The following KCNC2 variants were observed in gnomAD, a reference collection of about 807,000 sequenced individuals.
KCNC2 encodes potassium voltage-gated channel subfamily C member 2, also known as voltage-gated potassium channel KCNC2.
A neutral mutation model predicts 44.5 loss-of-function variants in KCNC2; 21 were observed. The observed-to-expected ratio is 0.47, with a 90% CI of 0.33 to 0.68. The LOEUF is 0.68. Among genes scored for constraint, KCNC2 ranks in the 30% least tolerant of loss-of-function variants. KCNC2 has a pLI of 0.01. For missense variants in KCNC2, 589 were observed against 826.2 expected (o/e 0.71, Z 3.52); for synonymous variants, 391 against 339.1 (o/e 1.15, Z -1.68).
At chr12:75,152,129 C>G (rs1385911777) in intron 2 of KCNC2, among the ~76,000 whole-genome samples, 1 of 149,660 alleles carries the variant, frequency 6.7e-6, no homozygotes, top group Non-Finnish European at 1.5e-5. Flanking sequence ...GAAAGGAGAG[C>G]AAATGCTGTT....
At chr12:75,141,303 G>A (rs532968715) in intron 2 of KCNC2, among the ~76,000 whole-genome samples, 25 of 152,196 alleles carry the variant, frequency 1.6e-4, no homozygotes, top group African/African-American at 5.8e-4. Flanking sequence ...GTGATTAACC[G>A]GAGAAAACTA....
At chr12:75,200,509 T>A (rs538251375) in intron 2 of KCNC2, among the ~76,000 whole-genome samples, 174 of 151,902 alleles carry the variant, frequency 1.1e-3, no homozygotes, top group African/African-American at 3.5e-3. Context: ...TTCCCACAAA[T>A]CTATTCTATC....
At chr12:75,135,378 GTTGTACATTCAAATACA>G (rs1483498763) in intron 2 of KCNC2, among the ~76,000 whole-genome samples, 1 of 152,010 alleles carries the variant, frequency 6.6e-6, no homozygotes, top group Non-Finnish European at 1.5e-5. Flanking sequence ...TGTTATTCCA[GTTGTACATTCAAATACA>G]TACTGCATGC....
Position 75,085,412 on chromosome 12 carries a change from T to C in KCNC2, c.688-34095A>G, listed in dbSNP as rs1884916575. On this transcript the variant is annotated intron_variant, in intron 2 of 4. Transcript: ENST00000549446. ...AATAATGGCAACAGTAGCTGTCACTTGCTGAGCATATACTGTGGACCAGGT... is the reference window on the plus strand; with the variant it reads ...AATAATGGCAACAGTAGCTGTCACTCGCTGAGCATATACTGTGGACCAGGT... 3.3e-5 allele frequency among the ~76,000 whole-genome samples: 5 copies of C among 152,092 alleles called. No homozygotes were observed. The South Asian group carries it at 1.0e-3, about 32-fold the overall frequency.
chr12:75,173,079 T>G (rs1364328142), intron 2 of KCNC2, among the ~76,000 whole-genome samples: 1 of 151,904 alleles, frequency 6.6e-6, no homozygotes, highest in Non-Finnish European at 1.5e-5. Context: ...TACCATCCCT[T>G]TGAATATTGG....
At chr12:75,065,322 G>A (rs1882726631) in intron 2 of KCNC2, among the ~76,000 whole-genome samples, 2 of 151,998 alleles carry the variant, frequency 1.3e-5, no homozygotes, top group Admixed American at 6.6e-5. Context: ...ACAGCAGTGA[G>A]TATGTAGTCA....
chr12:75,101,324 C>G (rs1886355504), intron 2 of KCNC2, among the ~76,000 whole-genome samples: 1 of 151,986 alleles, frequency 6.6e-6, no homozygotes, highest in African/African-American at 2.4e-5. Flanking sequence ...ACATGGTGTT[C>G]AGAGATGTGC....
chr12:75,169,215 C>T (rs1358347208), intron 2 of KCNC2, among the ~76,000 whole-genome samples: 3 of 151,498 alleles, frequency 2.0e-5, no homozygotes, highest in African/African-American at 7.3e-5. Context: ...GATTCTTTCC[C>T]AGGTATGATT....
At chr12:75,161,692 C>G (rs1367263337) in intron 2 of KCNC2, among the ~76,000 whole-genome samples, 1 of 151,796 alleles carries the variant, frequency 6.6e-6, no homozygotes, top group Admixed American at 6.6e-5. Flanking sequence ...TAGAAAATGT[C>G]GTCTGCATAC....
Position 75,207,894 on chromosome 12 carries a change from A to T in KCNC2, c.90T>A (p.Pro30=). ...AGGCAAGAAGGGCCAGGCGTGTTCC[A>T]GGCAGGGTCTTGAGGGTGCTGCGGT... ...ETYRSTLKTL[P]GTRLALLASS... Residue 30 remains proline (P), a synonymous_variant, in exon 2 of 5, where the codon CCT becomes CCA. Transcript: ENST00000549446. The surrounding 1 kb of genome is among the most constrained non-coding windows in gnomAD (Gnocchi z 4.1). The T allele has an allele frequency of 6.2e-7, 1 of 1,612,754 alleles. No individual in the cohort carries two copies. Among genetic ancestry groups the T allele is most frequent in the Non-Finnish European group, 8.5e-7 (1 of 1,179,896 alleles).
chr12:75,092,977 C>T (rs566212378), intron 2 of KCNC2, among the ~76,000 whole-genome samples: 32 of 149,532 alleles, frequency 2.1e-4, no homozygotes, highest in African/African-American at 7.3e-4. Flanking sequence ...CATTAAAATG[C>T]AATAAATCTA....
chr12:75,145,600 G>A (rs957205713), intron 2 of KCNC2, among the ~76,000 whole-genome samples: 9 of 151,872 alleles, frequency 5.9e-5, no homozygotes, highest in African/African-American at 1.9e-4. Flanking sequence ...CATCTGTCAT[G>A]TTTTTCTCAT....
intron 2 of KCNC2, among the ~76,000 whole-genome samples, chr12:75,159,991 A>G (rs1891014434): frequency 6.6e-6 from 1 of 151,866 alleles, no homozygotes; most frequent in Non-Finnish European, 1.5e-5. Flanking sequence ...AAATATATAA[A>G]TGAATGAATA....
intron 2 of KCNC2, among the ~76,000 whole-genome samples, chr12:75,081,950 G>T (rs1284691285): frequency 6.6e-6 from 1 of 151,870 alleles, no homozygotes; most frequent in Non-Finnish European, 1.5e-5. Flanking sequence ...TTATCTTATA[G>T]AACTAAAAGA....
At chr12:75,160,341 T>A (rs375352327) in intron 2 of KCNC2, among the ~76,000 whole-genome samples, 22 of 151,678 alleles carry the variant, frequency 1.5e-4, no homozygotes, top group African/African-American at 5.1e-4. Context: ...TGTGAAAAAA[T>A]TAATTTATGT....
chr12:75,099,139 T>C (rs1327611659), intron 2 of KCNC2, among the ~76,000 whole-genome samples: 2 of 152,314 alleles, frequency 1.3e-5, no homozygotes, highest in East Asian at 3.9e-4. Context: ...TTTATGCAAT[T>C]GTAAACAGAA....
At chr12:75,154,932 A>G (rs1890654388) in intron 2 of KCNC2, among the ~76,000 whole-genome samples, 1 of 151,928 alleles carries the variant, frequency 6.6e-6, no homozygotes. Flanking sequence ...TTTTTCTGTC[A>G]CTGTTCTGTC....
intron 2 of KCNC2, among the ~76,000 whole-genome samples, chr12:75,130,781 TAAAAAA>T (rs1224440806): frequency 1.0e-3 from 127 of 122,644 alleles, no homozygotes; most frequent in African/African-American, 3.4e-3. Flanking sequence ...CTCCTAGTAA[TAAAAAA>T]AAAAAAAAAC....
chr12:75,100,255 C>G (rs1177039516), intron 2 of KCNC2, among the ~76,000 whole-genome samples: 2 of 152,020 alleles, frequency 1.3e-5, no homozygotes, highest in Non-Finnish European at 2.9e-5. Context: ...ATGCCTCAGA[C>G]TTTGCATCCA....
Sources: allele counts gnomAD v4.1 joint callset (sites outside exome capture counted in the v4.1 genomes callset), GRCh38; gene constraint gnomAD v4.1.1; non-coding constraint Gnocchi (gnomAD v3.1); transcripts MANE v1.5; gene names NCBI Gene and HGNC (gene_info 2026-07-23, HGNC 2026-07-21).